GRHL2: variants seen among roughly 807,000 people sequenced by gnomAD.
The protein encoded by GRHL2 is grainyhead-like protein 2 homolog.
In GRHL2, 21 loss-of-function variants were observed where a neutral mutation model predicts 83.8. The ratio of observed to expected loss-of-function variants is 0.25; its 90% CI spans 0.18 to 0.36. The LOEUF (loss-of-function observed/expected upper bound fraction) is 0.36, where lower values mean the gene tolerates loss of function less well. GRHL2 is among the 10% of genes least tolerant of loss of function. The pLI, the probability that GRHL2 is intolerant of heterozygous loss-of-function variation, is 1.00. For synonymous variants in GRHL2, 280 were observed against 278.9 expected, an observed-to-expected ratio of 1.00 and a Z score of -0.04; for missense variants, 623 against 781.8, an observed-to-expected ratio of 0.80 and a Z score of 2.42.
At chr8:101,637,809 C>T (rs1048821355) in intron 12 of GRHL2, among the ~76,000 whole-genome samples, 3 of 152,180 alleles carry the variant, frequency 2.0e-5, no homozygotes, top group Non-Finnish European at 2.9e-5. Context: ...GACTTCTACC[C>T]GTTGGCCTTA....
At chr8:101,640,302 AG>A (rs1456176266) in intron 12 of GRHL2, among the ~76,000 whole-genome samples, 1 of 152,210 alleles carries the variant, frequency 6.6e-6, no homozygotes, top group African/African-American at 2.4e-5. Context: ...CCTGACACAC[AG>A]AATTTGATTT....
chr8:101,676,828 T>G, the GRHL2 span, among the ~76,000 whole-genome samples: 1 of 152,110 alleles, frequency 6.6e-6, no homozygotes, highest in Non-Finnish European at 1.5e-5. Flanking sequence ...CCAACAACGA[T>G]AGACTGGATT....
chr8:101,610,436 G>A (rs1258071956), intron 8 of GRHL2, among the ~76,000 whole-genome samples: 1 of 150,688 alleles, frequency 6.6e-6, no homozygotes, highest in East Asian at 1.9e-4. Flanking sequence ...GGCCACCCAG[G>A]CAGGAGCATT....
chr8:101,575,324 C>T (rs1448725206), intron 6 of GRHL2, among the ~76,000 whole-genome samples: 3 of 151,908 alleles, frequency 2.0e-5, no homozygotes, highest in Non-Finnish European at 2.9e-5. Context: ...AAGGTCATGA[C>T]AACAGTTTGG....
At position 101,667,359 on chromosome 8, in the gene GRHL2, T is replaced by C. The variant is rs746348378; in HGVS notation, c.*656T>C. 1 of 154,894 alleles carries C rather than the reference T, an allele frequency of 6.5e-6. No individual in the cohort carries two copies. Among genetic ancestry groups the C allele is most frequent in the Non-Finnish European group, 1.4e-5 (1 of 69,422 alleles). 9.6% of individuals were successfully genotyped at this position (154,894 alleles called of 1,614,324 possible). On this transcript the variant is annotated 3_prime_UTR_variant, in exon 16 of 16. Coordinates refer to ENST00000646743, the MANE Select transcript of GRHL2 (RefSeq NM_024915.4). ...ATTGTACATAGTGTTTATAATATTG[T>C]AATAATATATTTTACCTGTGGTATG...
intron 9 of GRHL2, among the ~76,000 whole-genome samples, chr8:101,626,301 G>T (rs1249855757): frequency 6.6e-6 from 1 of 151,984 alleles, no homozygotes; most frequent in African/African-American, 2.4e-5. Flanking sequence ...TCTCACACCT[G>T]TGAGACTGCA....
At chr8:101,493,463 C>A (rs114871790) in intron 1 of GRHL2, among the ~76,000 whole-genome samples, 1 of 143,326 alleles carries the variant, frequency 7.0e-6, no homozygotes, top group African/African-American at 2.5e-5. Context: ...GGTCCGCCCC[C>A]GCATTGTTTG....
At chr8:101,589,957 AC>A (rs1812245199) in intron 7 of GRHL2, among the ~76,000 whole-genome samples, 1 of 152,114 alleles carries the variant, frequency 6.6e-6, no homozygotes, top group African/African-American at 2.4e-5. Flanking sequence ...TTACAAACTG[AC>A]TGTGGGGGAT....
chr8:101,670,044 C>T (rs540447165), downstream of GRHL2, among the ~76,000 whole-genome samples: 4 of 152,334 alleles, frequency 2.6e-5, no homozygotes, highest in South Asian at 2.1e-4. Flanking sequence ...CAGGCCCACT[C>T]GCCCGCCCTT....
chr8:101,657,057 GTTTTT>G (rs202144989), intron 14 of GRHL2, among the ~76,000 whole-genome samples: 2,180 of 152,286 alleles, frequency 0.014, 55 homozygotes, highest in African/African-American at 0.05. Context: ...GTAGCACCCA[GTTTTT>G]GTCCAACTGT....
chr8:101,672,281 A>G (rs1187032518), downstream of GRHL2, among the ~76,000 whole-genome samples: 4 of 151,636 alleles, frequency 2.6e-5, no homozygotes, highest in Non-Finnish European at 5.9e-5. Flanking sequence ...ATTCAAACCA[A>G]TGGTAGAGAA....
chr8:101,572,260 G>C (rs1442385867), intron 5 of GRHL2, among the ~76,000 whole-genome samples: 1 of 152,124 alleles, frequency 6.6e-6, no homozygotes, highest in Non-Finnish European at 1.5e-5. Flanking sequence ...ATGGTACTGT[G>C]TTGAAATTGC....
At chr8:101,555,459 T>G (rs1439464716) in intron 3 of GRHL2, among the ~76,000 whole-genome samples, 1 of 152,170 alleles carries the variant, frequency 6.6e-6, no homozygotes, top group Non-Finnish European at 1.5e-5. Context: ...TGTTTTTTAT[T>G]ACTGATTTCA....
At chr8:101,670,512 G>A (rs116929886), downstream of GRHL2, among the ~76,000 whole-genome samples, 1,658 of 152,352 alleles carry the variant, frequency 0.011, 12 homozygotes, top group Non-Finnish European at 0.015. Flanking sequence ...TGGAGGAAGC[G>A]CTCATTGCAG....
At chr8:101,571,822 G>T (rs1811830451) in intron 5 of GRHL2, among the ~76,000 whole-genome samples, 1 of 152,128 alleles carries the variant, frequency 6.6e-6, no homozygotes, top group South Asian at 2.1e-4. Flanking sequence ...AAGGAAGAAT[G>T]GACTTGAAAT....
chr8:101,537,692 AAGG>A (rs1200944935), intron 1 of GRHL2, among the ~76,000 whole-genome samples: 3 of 152,226 alleles, frequency 2.0e-5, no homozygotes, highest in Admixed American at 2.0e-4. Context: ...CCTGCTCATC[AAGG>A]AGATGAGCAA....
intron 1 of GRHL2, among the ~76,000 whole-genome samples, chr8:101,498,625 G>A (rs1179696954): frequency 1.3e-5 from 2 of 151,982 alleles, no homozygotes; most frequent in Non-Finnish European, 2.9e-5. Context: ...CTACAGCGAG[G>A]GTCTGTTTTA....
At chr8:101,544,196 C>T (rs1444097456) in intron 2 of GRHL2, 1 of 152,086 alleles carries the variant, frequency 6.6e-6, no homozygotes, top group African/African-American at 2.4e-5. Context: ...ATTTAGGTTG[C>T]CTCTAGATTT....
intron 1 of GRHL2, among the ~76,000 whole-genome samples, chr8:101,509,254 T>A (rs559550660): frequency 1.4e-5 from 2 of 141,994 alleles, no homozygotes; most frequent in East Asian, 4.1e-4. Context: ...TGTTTTGGCC[T>A]ATTAGTGGTT....
Sources: allele counts gnomAD v4.1 joint callset (sites outside exome capture counted in the v4.1 genomes callset), GRCh38; gene constraint gnomAD v4.1.1; transcripts MANE v1.5; gene names NCBI Gene and HGNC (gene_info 2026-07-23, HGNC 2026-07-21).